Variants in ZC3H11A observed in about 807,000 individuals in gnomAD.
ZC3H11A encodes zinc finger CCCH domain-containing protein 11A.
ZC3H11A carries 22 observed loss-of-function variants against 90.8 expected under a neutral mutation model. The observed-to-expected ratio is 0.24, with a 90% CI of 0.17 to 0.35. The LOEUF is 0.35. Among genes scored for constraint, ZC3H11A ranks in the 10% least tolerant of loss-of-function variants. The pLI is 1.00. For synonymous variants in ZC3H11A, 294 were observed against 339.8 expected, an observed-to-expected ratio of 0.87 and a Z score of 1.48; for missense variants, 701 against 964.9, an observed-to-expected ratio of 0.73 and a Z score of 3.62.
chr1:203,804,146 A>G (rs866828663), intron 2 of ZC3H11A, among the ~76,000 whole-genome samples: 1 of 135,708 alleles, frequency 7.4e-6, no homozygotes, highest in African/African-American at 2.7e-5. Flanking sequence ...TTCTTCCTGT[A>G]TATGTGTTTT....
intron 1 of ZC3H11A, chr1:203,800,144 G>A: frequency 6.5e-7 from 1 of 1,535,778 alleles, no homozygotes; most frequent in Non-Finnish European, 8.7e-7. Context: ...TCAAAGAGAA[G>A]TATTCAGAGT....
intron 1 of ZC3H11A, chr1:203,800,266 C>A: frequency 9.6e-7 from 1 of 1,045,286 alleles, no homozygotes; most frequent in Non-Finnish European, 1.4e-6. Flanking sequence ...AGTTGGCAAT[C>A]TGAATGTATC....
rs373708600 is a variant in ZC3H11A, at chr1:203,851,057, G to A, written c.2107G>A (p.Ala703Thr). The change falls in exon 17 of 18, where the codon GCT becomes ACT. Residue 703 changes from alanine (A) to threonine (T), a missense_variant and splice_region_variant. Ala to Thr is a moderately conservative substitution (Grantham distance 58). Transcript: ENST00000367210. Reference sequence around the variant, plus strand: ...AATTACCTGACTCTTCCTTTTGTAGGCTGTTGTCCCGCTTGTCTCTGAGGA... The same window carrying A: ...AATTACCTGACTCTTCCTTTTGTAGACTGTTGTCCCGCTTGTCTCTGAGGA... ...QEPPAKKAAV[A>T]VVPLVSEDKS... 2.5e-6 allele frequency: 4 copies of A among 1,613,926 alleles called. No individual in the cohort carries two copies. Among genetic ancestry groups the A allele is most frequent in the African/African-American group, 2.7e-5 (2 of 74,922 alleles).
chr1:203,842,611 G>C (rs1686750454), intron 12 of ZC3H11A, among the ~76,000 whole-genome samples: 1 of 148,440 alleles, frequency 6.7e-6, no homozygotes, highest in Admixed American at 6.7e-5. Flanking sequence ...GAGAGGGGGA[G>C]GGGGAGGGGG....
chr1:203,805,935 T>C, intron 2 of ZC3H11A: 1 of 651,702 alleles, frequency 1.5e-6, no homozygotes, highest in Non-Finnish European at 2.9e-6. Flanking sequence ...TTTCCTTTGC[T>C]CCCAGTTTCA....
In ZC3H11A at chr1:203,818,563, T is replaced by G. The variant is rs749300340; in HGVS notation, c.55-7T>G. On this transcript the variant is annotated splice_polypyrimidine_tract_variant and splice_region_variant and intron_variant, in intron 3 of 17. Transcript: ENST00000367210. ...CTACAAATAGAGTGTTCTCTATTTG[T>G]TTACAGGGTGACAGCTGCCCATTCC... 3.1e-6 allele frequency: 5 copies of G among 1,613,982 alleles called. No homozygotes were observed. The highest frequency in any genetic ancestry group is 4.2e-6 in the Non-Finnish European group (5 of 1,179,930).
At position 203,833,375 on chromosome 1, in the gene ZC3H11A, A is replaced by C. The variant is rs540833752; in HGVS notation, c.812-416A>C. Reference sequence around the variant, plus strand: ...GTGAGACTCTGTCTCAAAAAAAAAAAAAAAAAAAACACCAGGTGTGGTAGT... The same window carrying C: ...GTGAGACTCTGTCTCAAAAAAAAAACAAAAAAAAACACCAGGTGTGGTAGT... On this transcript the variant is annotated intron_variant, in intron 9 of 17. Transcript: ENST00000367210. 3.8e-4 allele frequency among the ~76,000 whole-genome samples: 56 copies of C among 148,312 alleles called. 2 individuals carry two copies. In the South Asian group the frequency reaches 0.012, roughly 30 times the overall value.
In ZC3H11A at chr1:203,799,911, G is replaced by A; in HGVS notation, c.-1587-1664G>A. 1 of 1,536,116 alleles carries A rather than the reference G, an allele frequency of 6.5e-7. No homozygotes were observed. The highest frequency in any genetic ancestry group is 1.4e-5 in the African/African-American group (1 of 73,166). On this transcript the variant is annotated intron_variant, in intron 1 of 17. Transcript: ENST00000367210. The stretch of plus-strand genomic sequence containing the variant: ...AGAAACTTATAAGCAGTTCCTTGCA[G>A]AAGAGGTCTGTAATTATATGGAATC...
Position 203,848,330 on chromosome 1 carries a change from G to T in ZC3H11A, c.1547-1G>T. 6.2e-7 allele frequency: 1 copy of T among 1,611,746 alleles called. No individual in the cohort carries two copies. The highest frequency in any genetic ancestry group is 2.2e-5 in the East Asian group (1 of 44,760). ...TAATGATGTCTTTAATGTGAATACA[G>T]GGATGAAAGAAGAGAAGAACCTTCA... On this transcript the variant is annotated splice_acceptor_variant, in intron 13 of 17. Coordinates refer to ENST00000367210, the MANE Select transcript of ZC3H11A (RefSeq NM_001376342.1). LOFTEE classifies it high-confidence loss of function.
intron 2 of ZC3H11A, chr1:203,806,007 G>T: frequency 1.8e-6 from 1 of 559,482 alleles, no homozygotes; most frequent in Non-Finnish European, 3.5e-6. Context: ...CTTGTTTCAT[G>T]TTGAATGACT....
chr1:203,820,953 C>T (rs544571501), intron 4 of ZC3H11A, among the ~76,000 whole-genome samples: 2 of 152,020 alleles, frequency 1.3e-5, no homozygotes, highest in East Asian at 1.9e-4. Context: ...CCCTTTACCC[C>T]GTTTCTCATC....
intron 1 of ZC3H11A, chr1:203,799,842 T>G (rs1276731543): frequency 1.3e-6 from 2 of 1,525,366 alleles, no homozygotes; most frequent in Non-Finnish European, 1.8e-6. Flanking sequence ...AGATCCTTGC[T>G]TTAAAAACAG....
chr1:203,824,969 C>T (rs761275863), intron 4 of ZC3H11A, among the ~76,000 whole-genome samples: 9 of 146,306 alleles, frequency 6.2e-5, no homozygotes, highest in African/African-American at 1.3e-4. Context: ...CCCAGCTACT[C>T]GGGAGGCTGA....
intron 2 of ZC3H11A, among the ~76,000 whole-genome samples, chr1:203,804,811 T>G (rs1037922667): frequency 2.0e-5 from 3 of 151,934 alleles, no homozygotes; most frequent in Non-Finnish European, 2.9e-5. Flanking sequence ...TAGCTGAGAT[T>G]ACAGGCGCAT....
chr1:203,811,276 T>A (rs1424342588), intron 2 of ZC3H11A, among the ~76,000 whole-genome samples: 1 of 152,132 alleles, frequency 6.6e-6, no homozygotes, highest in Non-Finnish European at 1.5e-5. Flanking sequence ...CCATTGCACT[T>A]CAGCCTGGGC....
chr1:203,848,581 C>A (rs144246447), intron 14 of ZC3H11A, among the ~76,000 whole-genome samples, 174 bp downstream of exon 14: 1 of 152,122 alleles, frequency 6.6e-6, no homozygotes, highest in Admixed American at 6.5e-5. Flanking sequence ...TATCAGTATT[C>A]GCTGCCCTTT....
chr1:203,829,507 T>C lies in ZC3H11A; in HGVS notation c.355T>C (p.Ser119Pro), dbSNP rs200516895. The C allele has an allele frequency of 3.1e-6, 5 of 1,614,010 alleles. No individual in the cohort carries two copies. Among genetic ancestry groups the C allele is most frequent in the Admixed American group, 3.3e-5 (2 of 60,008 alleles). ...PEEEVKASQLSVQQNKLSVQS... is the reference protein window; with the variant it reads ...PEEEVKASQLPVQQNKLSVQS... ...AGAGGAAGTGAAGGCTAGCCAACTTTCAGTTCAGCAGAACAAATTGTCTGT... is the reference window on the plus strand; with the variant it reads ...AGAGGAAGTGAAGGCTAGCCAACTTCCAGTTCAGCAGAACAAATTGTCTGT... The change falls in exon 6 of 18, where the codon TCA becomes CCA. Residue 119 changes from serine (S) to proline (P), a missense_variant. Physicochemically the swap from Ser to Pro is moderately conservative, Grantham distance 74. This residue lies in a region of ZC3H11A where 530 missense variants were observed against 696.2 expected (regional missense o/e 0.76). Transcript: ENST00000367210.
At chr1:203,806,950 T>G (rs1203614976) in intron 2 of ZC3H11A, among the ~76,000 whole-genome samples, 1 of 152,050 alleles carries the variant, frequency 6.6e-6, no homozygotes, top group East Asian at 1.9e-4. Flanking sequence ...TTTTTTTTGT[T>G]TTTTACCCCT....
chr1:203,806,289 A>T, intron 2 of ZC3H11A: 1 of 240,306 alleles, frequency 4.2e-6, no homozygotes, highest in Non-Finnish European at 8.3e-6. Flanking sequence ...AGGAACCCAT[A>T]CACCTTTTTT....
Sources: allele counts gnomAD v4.1 joint callset (sites outside exome capture counted in the v4.1 genomes callset), GRCh38; gene constraint gnomAD v4.1.1; regional missense constraint gnomAD v4.1.1; transcripts MANE v1.5; gene names NCBI Gene and HGNC (gene_info 2026-07-23, HGNC 2026-07-21).